Variants in USH2A observed in about 807,000 individuals in gnomAD.
USH2A encodes usherin.
In USH2A, 443 loss-of-function variants were observed where a neutral mutation model predicts 538.9. That is an observed-to-expected ratio of 0.82 (90% CI 0.76 to 0.89). USH2A has a LOEUF of 0.89. USH2A is among the 40% of genes least tolerant of loss of function. The pLI is 0.00. For synonymous variants in USH2A, 2,413 were observed against 2,273.5 expected (o/e 1.06, Z -1.75); for missense variants, 6,633 against 6,324.8 (o/e 1.05, Z -1.65).
intron 21 of USH2A, among the ~76,000 whole-genome samples, chr1:216,098,349 A>C (rs1030474455): frequency 1.3e-5 from 2 of 152,250 alleles, no homozygotes; most frequent in Non-Finnish European, 2.9e-5. Flanking sequence ...AGAGCTCAAG[A>C]CCATATATGA....
At position 215,743,197 on chromosome 1, in the gene USH2A, C is replaced by G. The variant is rs544625407; in HGVS notation, c.11528G>C (p.Arg3843Thr). 1.2e-6 allele frequency: 2 copies of G among 1,611,104 alleles called. No homozygotes were observed. The highest frequency in any genetic ancestry group is 2.7e-5 in the African/African-American group (2 of 74,698). ...NLTPFTQYEI[R>T]IQACQNGSCG... ...TTCACCATTTTGACATGCTTGTATC[C>G]TTATCTCATACTGTGTGAATGGAGT... Residue 3843 changes from arginine to threonine, a missense_variant, in exon 59 of 72, where the codon AGG becomes ACG. Coordinates refer to ENST00000307340, the MANE Select transcript of USH2A (RefSeq NM_206933.4).
chr1:216,367,720 G>T (rs755293594), intron 3 of USH2A, among the ~76,000 whole-genome samples: 1 of 152,094 alleles, frequency 6.6e-6, no homozygotes, highest in South Asian at 2.1e-4. Flanking sequence ...ATCTTCCTTG[G>T]TTTTTCTGCA....
chr1:215,992,919 T>C, intron 35 of USH2A, 101 bp downstream of exon 35: 1 of 1,553,968 alleles, frequency 6.4e-7, no homozygotes, highest in South Asian at 1.1e-5. Context: ...TGTGCTAAAA[T>C]GATCATTAAA....
chr1:216,208,496 G>T (rs2035169106), intron 15 of USH2A, among the ~76,000 whole-genome samples: 1 of 152,066 alleles, frequency 6.6e-6, no homozygotes, highest in Non-Finnish European at 1.5e-5. Context: ...CTCAGTAAAA[G>T]AAAGCACACT....
chr1:216,188,250 T>C (rs960200843), intron 20 of USH2A, among the ~76,000 whole-genome samples: 17 of 151,916 alleles, frequency 1.1e-4, no homozygotes, highest in African/African-American at 3.1e-4. Flanking sequence ...TTACCACTAA[T>C]GCATAGGGCA....
chr1:216,072,708 GA>G (rs2031595960), intron 29 of USH2A, 180 bp downstream of exon 29: 2 of 646,596 alleles, frequency 3.1e-6, no homozygotes, highest in Admixed American at 2.3e-5. Flanking sequence ...CTTGGTAAAT[GA>G]AAAGCACTGA....
At chr1:216,251,448 T>TTC (rs2036160665) in intron 11 of USH2A, among the ~76,000 whole-genome samples, 1 of 122,804 alleles carries the variant, frequency 8.1e-6, no homozygotes, top group South Asian at 3.1e-4. Flanking sequence ...TCCCCTTTTT[T>TTC]TTTTTTTTTT....
chr1:215,886,390 T>C (rs1162212707), intron 41 of USH2A, among the ~76,000 whole-genome samples: 1 of 152,222 alleles, frequency 6.6e-6, no homozygotes, highest in African/African-American at 2.4e-5. Flanking sequence ...GTTCTGAACA[T>C]GTGAGCCAAT....
At chr1:215,632,132 G>A (rs922673580) in intron 70 of USH2A, among the ~76,000 whole-genome samples, 10 of 152,012 alleles carry the variant, frequency 6.6e-5, no homozygotes, top group African/African-American at 9.6e-5. Flanking sequence ...GCGTGATCTC[G>A]GTTCACTGCA....
In USH2A at chr1:216,305,405, A is replaced by T. The variant is rs949180830; in HGVS notation, c.1645-13035T>A. 2.0e-5 allele frequency among the ~76,000 whole-genome samples: 3 copies of T among 152,010 alleles called. 1 individual carries two copies. The highest frequency in any genetic ancestry group is 4.4e-5 in the Non-Finnish European group (3 of 67,980). ...TTACCTTAAGTTTATGTGAGTCCTT[A>T]TGTGTTAGATGAGTCTCTTGAGGAC... On this transcript the variant is annotated intron_variant, in intron 9 of 71. Transcript: ENST00000307340.
intron 20 of USH2A, among the ~76,000 whole-genome samples, chr1:216,186,204 G>A (rs1211349481): frequency 6.7e-6 from 1 of 149,532 alleles, no homozygotes; most frequent in Non-Finnish European, 1.5e-5. Context: ...TTGGGTAGAA[G>A]AAAAATTTTA....
intron 25 of USH2A, among the ~76,000 whole-genome samples, chr1:216,084,466 A>G (rs1400980375): frequency 6.6e-6 from 1 of 152,174 alleles, no homozygotes; most frequent in East Asian, 1.9e-4. Flanking sequence ...GTAAATCAAG[A>G]ACTGCATGAG....
At chr1:216,306,378 T>C (rs201610593) in intron 9 of USH2A, among the ~76,000 whole-genome samples, 1 of 152,174 alleles carries the variant, frequency 6.6e-6, no homozygotes, top group African/African-American at 2.4e-5. Context: ...TTCTTATTTA[T>C]GCTATTTATT....
chr1:215,824,860 G>A (rs548124091), intron 47 of USH2A, among the ~76,000 whole-genome samples: 1 of 152,244 alleles, frequency 6.6e-6, no homozygotes, highest in Non-Finnish European at 1.5e-5. Flanking sequence ...TTGGGGAGAT[G>A]GGCATTGTGG....
intron 64 of USH2A, among the ~76,000 whole-genome samples, chr1:215,656,942 T>TGCCC (rs1657273476): frequency 5.3e-5 from 8 of 152,242 alleles, no homozygotes; most frequent in African/African-American, 1.9e-4. Context: ...ACAGGTTGTA[T>TGCCC]GTTAACGGGC....
At chr1:216,237,608 T>A (rs2035854925) in intron 13 of USH2A, among the ~76,000 whole-genome samples, 1 of 152,262 alleles carries the variant, frequency 6.6e-6, no homozygotes, top group East Asian at 1.9e-4. Context: ...TAATTAGATT[T>A]CATTCCCCCA....
intron 4 of USH2A, among the ~76,000 whole-genome samples, chr1:216,345,038 A>G (rs1319461369): frequency 2.0e-5 from 3 of 151,910 alleles, no homozygotes; most frequent in South Asian, 2.1e-4. Context: ...GACTACTGGA[A>G]AAGATCCCTT....
intron 29 of USH2A, among the ~76,000 whole-genome samples, chr1:216,071,147 G>T (rs942135468): frequency 1.3e-5 from 2 of 152,152 alleles, no homozygotes; most frequent in Non-Finnish European, 1.5e-5. Context: ...TGAGAGACCT[G>T]CTCTAGCTGC....
chr1:215,925,972 T>G (rs1666227744), intron 38 of USH2A, among the ~76,000 whole-genome samples: 1 of 152,070 alleles, frequency 6.6e-6, no homozygotes, highest in African/African-American at 2.4e-5. Flanking sequence ...GAGCTGAGAT[T>G]GCGCCACTGC....
Sources: gnomAD v4.1 joint callset for allele counts (sites outside exome capture counted in the v4.1 genomes callset) on GRCh38, gnomAD v4.1.1 for gene constraint, MANE v1.5 for transcripts, NCBI Gene and HGNC (gene_info 2026-07-23, HGNC 2026-07-21) for gene names.